ARHGEF10L: variants seen among roughly 807,000 people sequenced by gnomAD.
ARHGEF10L encodes the protein Rho guanine nucleotide exchange factor 10 like, also known as rho guanine nucleotide exchange factor 10-like protein.
A neutral mutation model predicts 141.2 loss-of-function variants in ARHGEF10L; 69 were observed. The ratio of observed to expected loss-of-function variants is 0.49; its 90% CI spans 0.40 to 0.60. The LOEUF (loss-of-function observed/expected upper bound fraction) is 0.60, where lower values mean the gene tolerates loss of function less well. Among genes scored for constraint, ARHGEF10L ranks in the 20% least tolerant of loss-of-function variants. The pLI is 0.00. For synonymous variants in ARHGEF10L, 711 were observed against 718.5 expected (o/e 0.99, Z 0.17); for missense variants, 1,482 against 1,734.3 (o/e 0.85, Z 2.58).
At position 17,648,534 on chromosome 1, in the gene ARHGEF10L, C is replaced by T. The variant is rs1227409384; in HGVS notation, c.2273-20C>T. The T allele has an allele frequency of 6.2e-7, 1 of 1,613,232 alleles. No individual in the cohort carries two copies. The highest frequency in any genetic ancestry group is 8.5e-7 in the Non-Finnish European group (1 of 1,179,764). On this transcript the variant is annotated intron_variant, in intron 21 of 28. Transcript: ENST00000361221. The stretch of plus-strand genomic sequence containing the variant: ...CTTGGACTCTGACCAGCTCTACCCA[C>T]CTCCTTCCTCTTGCTGTAGGGGAGG...
At chr1:17,671,965 G>A (rs1193229314) in intron 26 of ARHGEF10L, among the ~76,000 whole-genome samples, 2 of 152,186 alleles carry the variant, frequency 1.3e-5, no homozygotes, top group African/African-American at 4.8e-5. Context: ...GGGGGTGGGG[G>A]CATTGCAGAG....
chr1:17,614,163 C>T (rs764979545), intron 8 of ARHGEF10L, among the ~76,000 whole-genome samples: 2 of 152,242 alleles, frequency 1.3e-5, no homozygotes, highest in African/African-American at 4.8e-5. Context: ...CAAACGTCCT[C>T]CATCCTGCAG....
At chr1:17,672,113 T>G (rs564298497) in intron 26 of ARHGEF10L, among the ~76,000 whole-genome samples, 1 of 152,262 alleles carries the variant, frequency 6.6e-6, no homozygotes, top group Non-Finnish European at 1.5e-5. Flanking sequence ...GCTCTCATGC[T>G]TTTTGTCCCT....
At chr1:17,647,504 C>T (rs989947687) in intron 21 of ARHGEF10L, among the ~76,000 whole-genome samples, 1 of 152,146 alleles carries the variant, frequency 6.6e-6, no homozygotes, top group East Asian at 1.9e-4. Context: ...GAGAATTCTT[C>T]AGGACAGACG....
chr1:17,598,795 G>T (rs114430509), intron 4 of ARHGEF10L, among the ~76,000 whole-genome samples: 3,393 of 151,334 alleles, frequency 0.022, 134 homozygotes, highest in African/African-American at 0.078. Flanking sequence ...TTATAAAATG[G>T]TAGCTAAACA....
At chr1:17,579,101 A>G (rs759208222) in intron 1 of ARHGEF10L, among the ~76,000 whole-genome samples, 10 of 151,960 alleles carry the variant, frequency 6.6e-5, no homozygotes, top group Non-Finnish European at 1.0e-4. Context: ...GCTCACTGCA[A>G]CCTCCGCCTC....
At chr1:17,533,967 T>G in the ARHGEF10L span, among the ~76,000 whole-genome samples, 1 of 150,152 alleles carries the variant, frequency 6.7e-6, no homozygotes, top group Non-Finnish European at 1.5e-5. Context: ...TTCTTCTTCT[T>G]TTTTTTTTTC....
At chr1:17,527,271 G>A in the ARHGEF10L span, among the ~76,000 whole-genome samples, 2 of 152,226 alleles carry the variant, frequency 1.3e-5, no homozygotes, top group African/African-American at 4.8e-5. Flanking sequence ...GGCTGACGCC[G>A]CTGATCAGAA....
In ARHGEF10L at chr1:17,687,548, C is replaced by T. The variant is rs375093318; in HGVS notation, c.3010-25C>T. On this transcript the variant is annotated intron_variant, in intron 26 of 28. Coordinates refer to ENST00000361221, the MANE Select transcript of ARHGEF10L (RefSeq NM_018125.4). ...CTCAGCTGGCAGGCCCAGCCAGTAT[C>T]GACACTCCTCCCTTTGTGCCACAGC... 1.5e-5 allele frequency: 24 copies of T among 1,611,186 alleles called. 2 individuals carry two copies. Among genetic ancestry groups the T allele is most frequent in the South Asian group, 1.4e-4 (13 of 90,920 alleles).
the ARHGEF10L span, among the ~76,000 whole-genome samples, chr1:17,524,419 A>G: frequency 7.1e-6 from 1 of 140,302 alleles, no homozygotes; most frequent in African/African-American, 2.7e-5. Context: ...ACACACACAC[A>G]CAAAATTAGC....
intron 27 of ARHGEF10L, among the ~76,000 whole-genome samples, chr1:17,688,993 G>A (rs1157895862): frequency 1.3e-5 from 2 of 152,194 alleles, no homozygotes; most frequent in East Asian, 3.9e-4. Context: ...AGGTGATGAG[G>A]CCCCAAGTGC....
In ARHGEF10L at chr1:17,675,356, C is replaced by A. The variant is rs139873883; in HGVS notation, c.3009+10761C>A. On this transcript the variant is annotated intron_variant, in intron 26 of 28. Transcript: ENST00000361221. ...CACCAAGGGGAACTTAGAGTCTCAG[C>A]CTCAAGATGTTGGTGATGCCCCCTC... Among the ~76,000 whole-genome samples, 998 of 152,320 alleles carry A rather than the reference C, an allele frequency of 6.6e-3. 20 individuals carry two copies. Among genetic ancestry groups the A allele is most frequent in the African/African-American group, 0.024 (977 of 41,552 alleles).
intron 16 of ARHGEF10L, among the ~76,000 whole-genome samples, 157 bp downstream of exon 16, chr1:17,632,623 C>T (rs2060765830): frequency 6.6e-6 from 1 of 152,150 alleles, no homozygotes; most frequent in South Asian, 2.1e-4. Flanking sequence ...CCTGCTCTGC[C>T]ACTGGTCCCC....
intron 4 of ARHGEF10L, among the ~76,000 whole-genome samples, chr1:17,593,658 TAGTG>T (rs2079802592): frequency 6.6e-6 from 1 of 152,102 alleles, no homozygotes; most frequent in Non-Finnish European, 1.5e-5. Flanking sequence ...ACCTCGCTTT[TAGTG>T]AGAGCACAGC....
At chr1:17,611,538 A>G (rs1442174010) in intron 7 of ARHGEF10L, among the ~76,000 whole-genome samples, 1 of 117,000 alleles carries the variant, frequency 8.5e-6, no homozygotes, top group Admixed American at 7.7e-5. Context: ...CTGTATATCC[A>G]TCCATCCATC....
intron 26 of ARHGEF10L, among the ~76,000 whole-genome samples, chr1:17,681,667 G>A (rs546529707): frequency 2.0e-5 from 3 of 152,258 alleles, no homozygotes; most frequent in Admixed American, 1.3e-4. Flanking sequence ...AGCAGTCCTC[G>A]GGGAGGAAGA....
At chr1:17,676,567 G>C (rs1030002440) in intron 26 of ARHGEF10L, among the ~76,000 whole-genome samples, 1 of 151,984 alleles carries the variant, frequency 6.6e-6, no homozygotes. Context: ...GAGCAGGGCA[G>C]CCACAGCCAG....
intron 26 of ARHGEF10L, among the ~76,000 whole-genome samples, chr1:17,680,673 C>CT (rs974778091): frequency 1.3e-5 from 2 of 151,814 alleles, no homozygotes; most frequent in African/African-American, 4.8e-5. Context: ...ACAGAGGAGA[C>CT]TGAGTCACTG....
At chr1:17,689,667 G>A (rs74061959) in intron 27 of ARHGEF10L, 68,670 of 396,810 alleles carry the variant, frequency 0.17, 6,919 homozygotes, top group African/African-American at 0.35. Context: ...CCATTATACA[G>A]GTTCAATCCA....
Sources: gnomAD v4.1 joint callset for allele counts (sites outside exome capture counted in the v4.1 genomes callset) on GRCh38, gnomAD v4.1.1 for gene constraint, MANE v1.5 for transcripts, NCBI Gene and HGNC (gene_info 2026-07-23, HGNC 2026-07-21) for gene names.